The following ADGRV1 variants were observed in gnomAD, a reference collection of about 807,000 sequenced individuals.
The protein encoded by ADGRV1 is adhesion G protein-coupled receptor V1.
ADGRV1 carries 359 observed loss-of-function variants against 596.2 expected under a neutral mutation model. The ratio of observed to expected loss-of-function variants is 0.60; its 90% CI spans 0.55 to 0.66. ADGRV1 has a LOEUF of 0.66. ADGRV1 is among the 30% of genes least tolerant of loss of function. The pLI, the probability that ADGRV1 is intolerant of heterozygous loss-of-function variation, is 0.00. For missense variants in ADGRV1, 7,274 were observed against 7,575.6 expected (o/e 0.96, Z 1.48); for synonymous variants, 2,681 against 2,679.2 (o/e 1.00, Z -0.02).
intron 1 of ADGRV1, among the ~76,000 whole-genome samples, chr5:90,602,844 G>T (rs1434833429): frequency 6.6e-6 from 1 of 152,374 alleles, no homozygotes; most frequent in South Asian, 2.1e-4. Context: ...CTCAGCAGAA[G>T]CTGGGTGGTT....
intron 84 of ADGRV1, among the ~76,000 whole-genome samples, chr5:90,984,557 T>C (rs1292251315): frequency 6.6e-6 from 1 of 152,188 alleles, no homozygotes; most frequent in African/African-American, 2.4e-5. Context: ...ATAACAGATA[T>C]AAGATGTGAT....
chr5:90,562,450 G>C (rs1754955538), intron 1 of ADGRV1, among the ~76,000 whole-genome samples: 1 of 152,112 alleles, frequency 6.6e-6, no homozygotes, highest in African/African-American at 2.4e-5. Flanking sequence ...TGGCAGAGGA[G>C]GAGAAGGGTG....
At chr5:91,032,045 AAGAAGGTGGGC>A (rs1784525096) in intron 85 of ADGRV1, among the ~76,000 whole-genome samples, 1 of 152,242 alleles carries the variant, frequency 6.6e-6, no homozygotes. Context: ...TGCAATTTTA[AAGAAGGTGGGC>A]AGAAATATTA....
chr5:91,118,392 A>G (rs1793033265), intron 87 of ADGRV1, among the ~76,000 whole-genome samples: 2 of 152,136 alleles, frequency 1.3e-5, no homozygotes, highest in Admixed American at 1.3e-4. Context: ...ACTTCCAAAA[A>G]AATTATTTTT....
At chr5:90,604,294 GCTTT>G (rs1201117276) in intron 1 of ADGRV1, among the ~76,000 whole-genome samples, 1 of 151,952 alleles carries the variant, frequency 6.6e-6, no homozygotes, top group African/African-American at 2.4e-5. Flanking sequence ...TCCCTCTTTT[GCTTT>G]CTTTCTTACT....
chr5:90,785,573 C>T (rs963534053), intron 67 of ADGRV1, among the ~76,000 whole-genome samples: 2 of 152,094 alleles, frequency 1.3e-5, no homozygotes, highest in African/African-American at 4.8e-5. Context: ...AAAACAACCC[C>T]ATCAAAAAGT....
chr5:90,844,359 C>T (rs560777883), intron 78 of ADGRV1, among the ~76,000 whole-genome samples: 60 of 152,006 alleles, frequency 3.9e-4, no homozygotes, highest in Non-Finnish European at 8.2e-4. Flanking sequence ...TTTAAAAGAT[C>T]TCAATAAATC....
chr5:90,734,321 G>C (rs1280190205), intron 50 of ADGRV1, among the ~76,000 whole-genome samples: 1 of 152,094 alleles, frequency 6.6e-6, no homozygotes, highest in African/African-American at 2.4e-5. Flanking sequence ...TCTGTTCATT[G>C]TTGGGGGAAC....
chr5:90,932,927 C>T (rs1039715663), intron 83 of ADGRV1, among the ~76,000 whole-genome samples: 1 of 152,190 alleles, frequency 6.6e-6, no homozygotes, highest in Non-Finnish European at 1.5e-5. Context: ...TCTCATCACA[C>T]ATTGTGCTGG....
chr5:90,699,502 G>C (rs1257585830), intron 34 of ADGRV1, among the ~76,000 whole-genome samples: 1 of 152,180 alleles, frequency 6.6e-6, no homozygotes, highest in African/African-American at 2.4e-5. Flanking sequence ...GGATAGACGA[G>C]ATTTAAGGAG....
chr5:91,147,176 TAAAAAAA>T (rs57619661), intron 87 of ADGRV1, among the ~76,000 whole-genome samples: 13 of 100,818 alleles, frequency 1.3e-4, no homozygotes, highest in African/African-American at 4.7e-4. Context: ...GACCTTGTCT[TAAAAAAA>T]AAAAAAAAAA....
At chr5:90,618,586 G>T (rs6877084) in intron 3 of ADGRV1, among the ~76,000 whole-genome samples, 1 of 151,896 alleles carries the variant, frequency 6.6e-6, no homozygotes, top group Non-Finnish European at 1.5e-5. Flanking sequence ...ATATACTTTT[G>T]TGCTGCTGTT....
intron 83 of ADGRV1, among the ~76,000 whole-genome samples, chr5:90,949,579 A>G (rs962319879): frequency 2.6e-5 from 4 of 152,218 alleles, no homozygotes; most frequent in African/African-American, 9.6e-5. Flanking sequence ...AGCAAGTTCC[A>G]GAATAAGTTA....
chr5:90,731,890 A>G (rs907458586), intron 50 of ADGRV1, among the ~76,000 whole-genome samples: 1 of 152,234 alleles, frequency 6.6e-6, no homozygotes, highest in African/African-American at 2.4e-5. Flanking sequence ...TTTAAAAAAC[A>G]CTTTCTAAAA....
At chr5:90,734,340 C>A (rs906795545) in intron 50 of ADGRV1, among the ~76,000 whole-genome samples, 8 of 152,130 alleles carry the variant, frequency 5.3e-5, no homozygotes, top group African/African-American at 1.7e-4. Context: ...ACCTCCATAC[C>A]ATTTTCCACA....
At position 90,643,055 on chromosome 5, in the gene ADGRV1, T is replaced by C. The variant is rs1247553745; in HGVS notation, c.2553+14T>C. ...GGGATACCAGAGGTATGGGATTTTATATTTTCTTTGTGTTTCTCTGTAAGA... is the reference window on the plus strand; with the variant it reads ...GGGATACCAGAGGTATGGGATTTTACATTTTCTTTGTGTTTCTCTGTAAGA... On this transcript the variant is annotated intron_variant, in intron 13 of 89. Coordinates refer to ENST00000405460, the MANE Select transcript of ADGRV1 (RefSeq NM_032119.4). The C allele has an allele frequency of 6.2e-7, 1 of 1,602,034 alleles. No individual in the cohort carries two copies. Among genetic ancestry groups the C allele is most frequent in the South Asian group, 1.1e-5 (1 of 90,562 alleles).
chr5:91,131,566 A>G (rs987612538), intron 87 of ADGRV1, among the ~76,000 whole-genome samples: 2 of 151,628 alleles, frequency 1.3e-5, no homozygotes, highest in African/African-American at 2.4e-5. Flanking sequence ...TTCTCCCTCC[A>G]CAACCTTGCC....
At chr5:90,766,357 C>T (rs150693572) in intron 59 of ADGRV1, among the ~76,000 whole-genome samples, 30 of 152,214 alleles carry the variant, frequency 2.0e-4, no homozygotes, top group African/African-American at 5.3e-4. Context: ...TTTCTGTAAT[C>T]GTTACATGTA....
intron 83 of ADGRV1, among the ~76,000 whole-genome samples, chr5:90,903,654 G>A (rs1478127036): frequency 1.3e-5 from 2 of 151,882 alleles, no homozygotes; most frequent in African/African-American, 4.8e-5. Flanking sequence ...CCTAGTAGGT[G>A]TATGTATTTA....
Sources: gnomAD v4.1 joint callset for allele counts (sites outside exome capture counted in the v4.1 genomes callset) on GRCh38, gnomAD v4.1.1 for gene constraint, MANE v1.5 for transcripts, NCBI Gene and HGNC (gene_info 2026-07-23, HGNC 2026-07-21) for gene names.